Variants in STAB2 observed in about 807,000 individuals in gnomAD.
The protein encoded by STAB2 is stabilin 2, also known as stabilin-2.
Under a neutral mutation model 338.1 loss-of-function variants are expected in STAB2, and 288 were observed. The observed-to-expected ratio is 0.85, with a 90% CI of 0.77 to 0.94. STAB2 has a LOEUF of 0.94. Ranked by LOEUF, STAB2 falls within the 40% of genes least tolerant of loss-of-function variation. STAB2 has a pLI of 0.00. For missense variants in STAB2, 3,141 were observed against 3,210.1 expected (o/e 0.98, Z 0.52); for synonymous variants, 1,202 against 1,193.3 (o/e 1.01, Z -0.15).
rs1480554499 is a variant in STAB2 at position 103,715,969 on chromosome 12, G to T, written c.4611+81G>T. ...TTAGACACAGGCCTGAGAGAAAGAG[G>T]CTGAGAACGGACCTCTAAAGAGCTG... On this transcript the variant is annotated intron_variant, in intron 43 of 68. Transcript: ENST00000388887. The T allele has an allele frequency of 5.5e-6, 8 of 1,445,544 alleles. No homozygotes were observed. In the South Asian group the frequency reaches 7.2e-5, roughly 13 times the overall value. 89.5% of individuals were successfully genotyped at this position (1,445,544 alleles called of 1,614,324 possible).
At chr12:103,731,070 G>T (rs77935644) in intron 49 of STAB2, among the ~76,000 whole-genome samples, 3,938 of 151,970 alleles carry the variant, frequency 0.026, 203 homozygotes, top group African/African-American at 0.091. Flanking sequence ...GTCTAAAAAA[G>T]TTTTTTTTAA....
intron 63 of STAB2, 94 bp from the exon 64 acceptor site, chr12:103,758,076 T>G: frequency 1.3e-6 from 2 of 1,562,446 alleles, no homozygotes; most frequent in Non-Finnish European, 1.7e-6. Flanking sequence ...ACCATGAATA[T>G]TCACAGATGG....
At chr12:103,673,779 C>A in intron 22 of STAB2, 128 bp from the exon 23 acceptor site, 1 of 1,011,456 alleles carries the variant, frequency 9.9e-7, no homozygotes, top group Non-Finnish European at 1.4e-6. Flanking sequence ...CCGGCTCAGC[C>A]CCGATTCTGC....
chr12:103,712,468 G>T, intron 41 of STAB2, 25 bp downstream of exon 41: 1 of 1,592,148 alleles, frequency 6.3e-7, no homozygotes, highest in Non-Finnish European at 8.6e-7. Context: ...GAATTTGCTG[G>T]GGGGGCTGGC....
At chr12:103,659,230 G>C (rs1174612220) in intron 15 of STAB2, among the ~76,000 whole-genome samples, 1 of 152,230 alleles carries the variant, frequency 6.6e-6, no homozygotes, top group African/African-American at 2.4e-5. Context: ...GAAAGTGAAT[G>C]GAGGTGCCAG....
At chr12:103,618,405 G>T (rs1223354339) in intron 3 of STAB2, among the ~76,000 whole-genome samples, 1 of 152,152 alleles carries the variant, frequency 6.6e-6, no homozygotes, top group African/African-American at 2.4e-5. Flanking sequence ...CAGACTACAG[G>T]ACTGTGAGAA....
intron 20 of STAB2, 151 bp downstream of exon 20, chr12:103,668,880 G>A (rs1469990282): frequency 4.6e-6 from 3 of 649,342 alleles, no homozygotes; most frequent in African/African-American, 3.7e-5. Context: ...TTCTTCATAT[G>A]GTGGCCAGAC....
At position 103,658,659 on chromosome 12, in the gene STAB2, A is replaced by C. The variant is rs144440334; in HGVS notation, c.1735-1672A>C. On this transcript the variant is annotated intron_variant, in intron 15 of 68. Transcript: ENST00000388887. ...GACTTGCAGAAGGTTACACACAAGC[A>C]GAACCAGGACTAGATCTCATGTTCC... 9.9e-5 allele frequency among the ~76,000 whole-genome samples: 15 copies of C among 152,268 alleles called. No homozygotes were observed. In the East Asian group the frequency reaches 2.9e-3, roughly 29 times the overall value.
At chr12:103,658,359 G>T (rs935647521) in intron 15 of STAB2, among the ~76,000 whole-genome samples, 1 of 152,122 alleles carries the variant, frequency 6.6e-6, no homozygotes, top group African/African-American at 2.4e-5. Flanking sequence ...CCCTGTTCGA[G>T]CCACACTGGA....
chr12:103,620,651 ACACGTG>A, intron 4 of STAB2, 98 bp downstream of exon 4: 2 of 976,914 alleles, frequency 2.0e-6, no homozygotes, highest in Non-Finnish European at 3.1e-6. Context: ...ACACACACAC[ACACGTG>A]CACACACACA....
chr12:103,751,934 T>G (rs1230275872), intron 60 of STAB2, among the ~76,000 whole-genome samples: 1 of 143,812 alleles, frequency 7.0e-6, no homozygotes. Context: ...CAGCTTTCCC[T>G]ATAGGCACAG....
chr12:103,713,842 T>TAA, intron 42 of STAB2, 74 bp downstream of exon 42: 1 of 1,580,026 alleles, frequency 6.3e-7, no homozygotes, highest in Non-Finnish European at 8.6e-7. Context: ...CCAACGTGTG[T>TAA]GCCCTGATTA....
chr12:103,649,051 T>G (rs1873543156), intron 10 of STAB2, among the ~76,000 whole-genome samples: 2 of 152,082 alleles, frequency 1.3e-5, no homozygotes, highest in South Asian at 4.1e-4. Context: ...GGCAGAGAGC[T>G]GAGGACAGGG....
At chr12:103,751,884 G>A (rs1323385313) in intron 60 of STAB2, among the ~76,000 whole-genome samples, 2 of 152,212 alleles carry the variant, frequency 1.3e-5, no homozygotes, top group Non-Finnish European at 2.9e-5. Flanking sequence ...CCTCCCTTCT[G>A]TTGGAGCTGT....
At chr12:103,741,578 C>T (rs1882588075) in intron 55 of STAB2, among the ~76,000 whole-genome samples, 1 of 152,166 alleles carries the variant, frequency 6.6e-6, no homozygotes, top group South Asian at 2.1e-4. Context: ...CTCAGCCTCT[C>T]AAGTAGCTGG....
intron 24 of STAB2, among the ~76,000 whole-genome samples, chr12:103,677,078 C>T (rs1285196365): frequency 1.3e-5 from 2 of 152,194 alleles, no homozygotes; most frequent in Admixed American, 6.5e-5. Flanking sequence ...TGGGTTGCCA[C>T]ATTATACAGG....
At chr12:103,731,070 G>GT (rs202226481) in intron 49 of STAB2, among the ~76,000 whole-genome samples, 5 of 151,982 alleles carry the variant, frequency 3.3e-5, no homozygotes, top group Admixed American at 6.5e-5. Context: ...GTCTAAAAAA[G>GT]TTTTTTTTAA....
intron 24 of STAB2, among the ~76,000 whole-genome samples, chr12:103,676,329 C>T (rs1039723690): frequency 4.0e-5 from 6 of 151,614 alleles, no homozygotes; most frequent in Non-Finnish European, 8.8e-5. Flanking sequence ...AGTGCTAGGA[C>T]TACAGGCCTA....
intron 34 of STAB2, among the ~76,000 whole-genome samples, chr12:103,702,292 TTA>T (rs1406062827): frequency 1.0e-5 from 1 of 99,356 alleles, no homozygotes; most frequent in East Asian, 2.4e-4. Context: ...AAATTATCAG[TTA>T]TTTTTTTTTT....
Sources: allele counts gnomAD v4.1 joint callset (sites outside exome capture counted in the v4.1 genomes callset), GRCh38; gene constraint gnomAD v4.1.1; transcripts MANE v1.5; gene names NCBI Gene and HGNC (gene_info 2026-07-23, HGNC 2026-07-21).